NCBP1: variants seen among roughly 807,000 people sequenced by gnomAD.
The protein encoded by NCBP1 is nuclear cap-binding protein subunit 1.
In NCBP1, 16 loss-of-function variants were observed where a neutral mutation model predicts 111.7. The observed-to-expected ratio is 0.14, with a 90% CI of 0.10 to 0.22. The LOEUF (loss-of-function observed/expected upper bound fraction) is 0.22, where lower values mean the gene tolerates loss of function less well. Ranked by LOEUF, NCBP1 falls within the 10% of genes least tolerant of loss-of-function variation. The pLI is 1.00. For missense variants in NCBP1, 607 were observed against 957.5 expected (o/e 0.63, Z 4.83); for synonymous variants, 304 against 314.3 (o/e 0.97, Z 0.35).
chr9:97,639,734 T>G (rs186340202), intron 1 of NCBP1, among the ~76,000 whole-genome samples: 1 of 152,290 alleles, frequency 6.6e-6, no homozygotes, highest in African/African-American at 2.4e-5. Flanking sequence ...CACTATTATT[T>G]TAATTTTTTA....
chr9:97,657,544 TA>T (rs1186813982), intron 14 of NCBP1, among the ~76,000 whole-genome samples: 3 of 152,310 alleles, frequency 2.0e-5, no homozygotes, highest in South Asian at 2.1e-4. Flanking sequence ...CAGCTTTCTC[TA>T]CCTTAACCTC....
At chr9:97,647,616 C>A in intron 7 of NCBP1, 55 bp downstream of exon 7, 1 of 1,399,066 alleles carries the variant, frequency 7.1e-7, no homozygotes, top group Admixed American at 1.7e-5. Flanking sequence ...TGAATAGATT[C>A]TTATCTCTGT....
At position 97,643,319 on chromosome 9, in the gene NCBP1, G is replaced by A; in HGVS notation, c.340G>A (p.Glu114Lys). 2 of 1,607,010 alleles carry A rather than the reference G, an allele frequency of 1.2e-6. No homozygotes were observed. Among genetic ancestry groups the A allele is most frequent in the East Asian group, 2.2e-5 (1 of 44,782 alleles). ...AGAAGCCATGATTCGTCAACTTAAA[G>A]AATCATTGAAAGCAAACAATTATAA... is the stretch of plus-strand genomic sequence containing the variant. ...FVEAMIRQLK[E>K]SLKANNYNEA... The change falls in exon 4 of 23, where the codon GAA becomes AAA. Residue 114 changes from glutamate to lysine, a missense_variant. Transcript: ENST00000375147.
chr9:97,666,781 T>C lies in NCBP1; in HGVS notation c.1920T>C (p.Ile640=). 1 of 1,601,590 alleles carries C rather than the reference T, an allele frequency of 6.2e-7. No homozygotes were observed. The highest frequency in any genetic ancestry group is 1.7e-4 in the Middle Eastern group (1 of 6,024). ...CTTTAAGATTGTTTGTTTGGGAAAT[T>C]TTGCACTCTACAATTCGTAAGATGA... ...RDFTRLFVWE[I]LHSTIRKMNK... The change falls in exon 20 of 23, where the codon ATT becomes ATC. Residue 640 remains isoleucine, a synonymous_variant. Coordinates refer to ENST00000375147, the MANE Select transcript of NCBP1 (RefSeq NM_002486.5).
chr9:97,670,698 T>C (rs1006738625), intron 22 of NCBP1, among the ~76,000 whole-genome samples: 3 of 152,198 alleles, frequency 2.0e-5, no homozygotes, highest in African/African-American at 7.2e-5. Flanking sequence ...TCTGACTGTT[T>C]ATCTTCCTGT....
chr9:97,648,982 A>C (rs1016866808), intron 8 of NCBP1, among the ~76,000 whole-genome samples: 2 of 152,178 alleles, frequency 1.3e-5, no homozygotes, highest in African/African-American at 4.8e-5. Context: ...GCTTACAGGC[A>C]TGAGCCACTG....
chr9:97,646,623 G>C (rs982316270), intron 6 of NCBP1, among the ~76,000 whole-genome samples: 9 of 152,048 alleles, frequency 5.9e-5, no homozygotes, highest in African/African-American at 1.9e-4. Flanking sequence ...ATCACCCGAG[G>C]TCAGGAGTTT....
rs1353827732 is a variant in NCBP1, at chr9:97,671,237, T to C, written c.*38T>C. On this transcript the variant is annotated 3_prime_UTR_variant, in exon 23 of 23. Transcript: ENST00000375147. ...CCTCATGTCAAGGTTTTTTTTGATA[T>C]CTTAAAATAATTTGTCTTATTTTTT... 7.2e-7 allele frequency: 1 copy of C among 1,397,532 alleles called. No individual in the cohort carries two copies. The highest frequency in any genetic ancestry group is 1.0e-6 in the Non-Finnish European group (1 of 1,000,104). 86.6% of individuals were successfully genotyped at this position (1,397,532 alleles called of 1,614,324 possible).
At chr9:97,655,886 G>GT in intron 13 of NCBP1, 122 bp downstream of exon 13, 1 of 1,323,784 alleles carries the variant, frequency 7.6e-7, no homozygotes, top group Non-Finnish European at 1.1e-6. Context: ...AGTACAAATA[G>GT]TTACAAGTGC....
intron 11 of NCBP1, among the ~76,000 whole-genome samples, chr9:97,654,184 T>G (rs1827577411): frequency 6.6e-6 from 1 of 152,218 alleles, no homozygotes. Flanking sequence ...AATAGATTTC[T>G]CTGAAGCATG....
At chr9:97,643,902 C>T (rs1280542414) in intron 4 of NCBP1, among the ~76,000 whole-genome samples, 1 of 152,062 alleles carries the variant, frequency 6.6e-6, no homozygotes, top group Non-Finnish European at 1.5e-5. Flanking sequence ...ACTTTGTGTT[C>T]TACAGTGGCA....
At chr9:97,660,881 A>G (rs1481328285) in intron 15 of NCBP1, 65 bp from the exon 16 acceptor site, 1 of 1,514,012 alleles carries the variant, frequency 6.6e-7, no homozygotes, top group East Asian at 2.3e-5. Context: ...CAGTTATTTA[A>G]CTGTTCATTA....
rs764204341 is a variant in NCBP1, at chr9:97,640,794, G to A, written c.35G>A (p.Gly12Asp). ...TTAATTTTTTATGTTGCTGAAATAG[G>A]TGGGCAGCCTCACAAAAGGAGAAAG... ...SRRRHSDEND[G>D]GQPHKRRKTS... Residue 12 changes from glycine (G) to aspartate (D), a missense_variant and splice_region_variant, in exon 2 of 23, where the codon GGT becomes GAT. Transcript: ENST00000375147. The A allele has an allele frequency of 3.1e-6, 5 of 1,602,700 alleles. No individual in the cohort carries two copies. The African/African-American group carries it at 4.0e-5, about 13-fold the overall frequency.
At chr9:97,650,907 G>A (rs1205428067) in intron 9 of NCBP1, among the ~76,000 whole-genome samples, 1 of 151,058 alleles carries the variant, frequency 6.6e-6, no homozygotes, top group African/African-American at 2.4e-5. Flanking sequence ...GTTTTGCTCT[G>A]TTTTCTAGCA....
chr9:97,635,640 T>A (rs894694151), intron 1 of NCBP1: 2 of 152,060 alleles, frequency 1.3e-5, no homozygotes, highest in African/African-American at 4.8e-5. Flanking sequence ...CAGGCTGATC[T>A]TGAACTCCTG....
intron 1 of NCBP1, among the ~76,000 whole-genome samples, chr9:97,639,653 A>G (rs1827148885): frequency 6.6e-6 from 1 of 152,204 alleles, no homozygotes; most frequent in Admixed American, 6.5e-5. Flanking sequence ...AATTGAATCA[A>G]TGGAAGTCGA....
intron 3 of NCBP1, among the ~76,000 whole-genome samples, 156 bp from the exon 4 acceptor site, chr9:97,643,048 T>C (rs1295651871): frequency 1.3e-5 from 2 of 152,162 alleles, no homozygotes; most frequent in Non-Finnish European, 2.9e-5. Context: ...TCTGTAACAT[T>C]TCTCAATGAC....
At chr9:97,635,074 T>C (rs1379522144) in intron 1 of NCBP1, among the ~76,000 whole-genome samples, 2 of 152,252 alleles carry the variant, frequency 1.3e-5, no homozygotes, top group East Asian at 3.8e-4. Flanking sequence ...GTAAATTTTA[T>C]CTACTAACGT....
At position 97,669,613 on chromosome 9, in the gene NCBP1, C is replaced by T. The variant is rs373220838; in HGVS notation, c.2166C>T (p.Thr722=). Residue 722 remains threonine (T), a synonymous_variant, in exon 22 of 23, where the codon ACC becomes ACT. Transcript: ENST00000375147. ...TCCAGCGGTTTATCATGATCTTGAC[C>T]GAGCACCTAGTACGATGCGAAACTG... ...VIFQRFIMIL[T]EHLVRCETDG... is the part of the protein sequence containing the mutation. 3.4e-5 allele frequency: 54 copies of T among 1,610,202 alleles called. No individual in the cohort carries two copies. Among genetic ancestry groups the T allele is most frequent in the African/African-American group, 9.4e-5 (7 of 74,744 alleles).
Sources: allele counts gnomAD v4.1 joint callset (sites outside exome capture counted in the v4.1 genomes callset), GRCh38; gene constraint gnomAD v4.1.1; transcripts MANE v1.5; gene names NCBI Gene and HGNC (gene_info 2026-07-23, HGNC 2026-07-21).